The following LIX1 variants were observed in gnomAD, a reference collection of about 807,000 sequenced individuals.
LIX1 encodes the protein limb and CNS expressed 1, also known as protein limb expression 1 homolog.
Under a neutral mutation model 33.4 loss-of-function variants are expected in LIX1, and 24 were observed. The observed-to-expected ratio is 0.72, with a 90% CI of 0.52 to 1.01. LIX1 has a LOEUF of 1.01. LIX1 is among the 50% of genes least tolerant of loss of function. The pLI is 0.00. For missense variants in LIX1, 311 were observed against 339.2 expected, an observed-to-expected ratio of 0.92 and a Z score of 0.65; for synonymous variants, 124 against 124.0, an observed-to-expected ratio of 1.00 and a Z score of 0.00.
At chr5:97,132,391 G>C (rs1259172119) in intron 1 of LIX1, among the ~76,000 whole-genome samples, 1 of 152,182 alleles carries the variant, frequency 6.6e-6, no homozygotes, top group Non-Finnish European at 1.5e-5. Context: ...AAGAGTAGAT[G>C]AATGTGGGCT....
chr5:97,103,184 T>C, intron 4 of LIX1: 1 of 403,960 alleles, frequency 2.5e-6, no homozygotes, highest in Non-Finnish European at 4.8e-6. Flanking sequence ...TTTAGATTGT[T>C]ATGAAAAAAA....
At chr5:97,123,939 AG>A (rs1390104805) in intron 2 of LIX1, among the ~76,000 whole-genome samples, 1 of 152,170 alleles carries the variant, frequency 6.6e-6, no homozygotes, top group Non-Finnish European at 1.5e-5. Context: ...ATAGGTTTGT[AG>A]GTCTGTTTAT....
chr5:97,137,061 A>G, intron 1 of LIX1: 4 of 433,318 alleles, frequency 9.2e-6, no homozygotes, highest in South Asian at 5.1e-5. Flanking sequence ...ATAATCAGTA[A>G]AACCGTGTCA....
At chr5:97,103,079 C>T (rs1213817804) in intron 4 of LIX1, 1 of 452,542 alleles carries the variant, frequency 2.2e-6, no homozygotes, top group South Asian at 1.6e-5. Flanking sequence ...AGTGGTAGAG[C>T]AGACTTCACA....
At position 97,107,442 on chromosome 5, in the gene LIX1, G is replaced by A. The variant is rs1747113367; in HGVS notation, c.305C>T (p.Ser102Phe). ...GCGAGAGGGCAGCTCATTGAAGAGG[G>A]AGTTGATCAGGGCCACTTTAGCTGC... ...RDAAKVALIN[S>F]LFNELPSRRI... Residue 102 changes from serine to phenylalanine, a missense_variant, in exon 3 of 6, where the codon TCC (serine) becomes TTC (phenylalanine). Transcript: ENST00000274382. The A allele has an allele frequency of 5.0e-6, 8 of 1,613,358 alleles. No homozygotes were observed. The highest frequency in any genetic ancestry group is 1.7e-5 in the Admixed American group (1 of 60,000).
At chr5:97,139,439 G>A (rs144194521) in intron 1 of LIX1, among the ~76,000 whole-genome samples, 195 of 152,316 alleles carry the variant, frequency 1.3e-3, no homozygotes, top group African/African-American at 4.4e-3. Context: ...GAGAAAGTAC[G>A]CAAGGAATTG....
intron 1 of LIX1, among the ~76,000 whole-genome samples, chr5:97,133,485 C>T (rs56033754): frequency 0.027 from 4,049 of 152,290 alleles, 175 homozygotes; most frequent in African/African-American, 0.081. Context: ...GAATATATGT[C>T]TTCATATTGC....
chr5:97,122,030 C>T (rs1747797206), intron 2 of LIX1, among the ~76,000 whole-genome samples: 1 of 152,142 alleles, frequency 6.6e-6, no homozygotes, highest in South Asian at 2.1e-4. Flanking sequence ...TTCGCTGCCT[C>T]TCATCCGTGT....
chr5:97,099,664 C>T (rs902024572), intron 4 of LIX1, among the ~76,000 whole-genome samples: 1 of 151,976 alleles, frequency 6.6e-6, no homozygotes, highest in Non-Finnish European at 1.5e-5. Context: ...TGGTGAAAAC[C>T]TGTTTCTACT....
Position 97,124,542 on chromosome 5 carries a change from TC to T in LIX1, c.169del (p.Glu57SerfsTer11). The part of the protein sequence containing the change: ...AFPSEGVVVY[E>X]SLPAPGPPFV... The stretch of plus-strand genomic sequence containing the variant: ...GGGAGGCCCAGGAGCTGGCAGTGAC[TC>T]ATAGACCACCACACCTTCACTTGGG... On this transcript the variant is annotated frameshift_variant, in exon 2 of 6. Coordinates refer to ENST00000274382, the MANE Select transcript of LIX1 (RefSeq NM_153234.5). LOFTEE classifies it high-confidence loss of function. 6.2e-7 allele frequency: 1 copy of T among 1,612,898 alleles called. No individual in the cohort carries two copies. The highest frequency in any genetic ancestry group is 1.3e-5 in the African/African-American group (1 of 75,006).
rs2112762542 is a variant in LIX1, at chr5:97,105,172, T to C, written c.483+18A>G. The stretch of plus-strand genomic sequence containing the variant: ...TGGATTGGATAATCAAACAAATATG[T>C]GGCAGGCAGGCAGGTACCTGAAACT... On this transcript the variant is annotated intron_variant, in intron 4 of 5. Coordinates refer to ENST00000274382, the MANE Select transcript of LIX1 (RefSeq NM_153234.5). 6.2e-7 allele frequency: 1 copy of C among 1,603,312 alleles called. No individual in the cohort carries two copies. Among genetic ancestry groups the C allele is most frequent in the East Asian group, 2.2e-5 (1 of 44,840 alleles).
chr5:97,134,782 C>T (rs1748136210), intron 1 of LIX1, among the ~76,000 whole-genome samples: 1 of 152,190 alleles, frequency 6.6e-6, no homozygotes, highest in African/African-American at 2.4e-5. Flanking sequence ...TATACTCAGC[C>T]TTTGCCAAGT....
At chr5:97,122,989 T>A (rs1747821708) in intron 2 of LIX1, among the ~76,000 whole-genome samples, 1 of 152,256 alleles carries the variant, frequency 6.6e-6, no homozygotes, top group African/African-American at 2.4e-5. Flanking sequence ...TGGACATCTG[T>A]CCTGTGGCTG....
intron 1 of LIX1, among the ~76,000 whole-genome samples, chr5:97,125,265 G>C (rs1580240365): frequency 6.6e-6 from 1 of 152,200 alleles, no homozygotes; most frequent in Non-Finnish European, 1.5e-5. Context: ...GTAATGGCTA[G>C]AGCCATATGT....
At chr5:97,117,076 A>G (rs1323516313) in intron 2 of LIX1, among the ~76,000 whole-genome samples, 1 of 152,202 alleles carries the variant, frequency 6.6e-6, no homozygotes, top group African/African-American at 2.4e-5. Context: ...CATTAAAGCA[A>G]TATGCACTCC....
At chr5:97,102,005 A>C (rs1196022827) in intron 4 of LIX1, 6 of 152,188 alleles carry the variant, frequency 3.9e-5, no homozygotes, top group Non-Finnish European at 7.3e-5. Flanking sequence ...AAGTCTGCCT[A>C]GAATCTGACC....
intron 1 of LIX1, among the ~76,000 whole-genome samples, chr5:97,134,367 G>A (rs1288518609): frequency 6.6e-5 from 10 of 152,280 alleles, no homozygotes; most frequent in South Asian, 6.2e-4. Context: ...TGATCCACCC[G>A]CCTTGGCCTC....
Position 97,107,454 on chromosome 5 carries a change from G to A in LIX1, c.293C>T (p.Ala98Val), listed in dbSNP as rs1561493128. The change falls in exon 3 of 6, where the codon GCC (alanine) becomes GTC (valine). Residue 98 changes from alanine to valine, a missense_variant. Physicochemically the swap from Ala to Val is moderately conservative, Grantham distance 64. Coordinates refer to ENST00000274382, the MANE Select transcript of LIX1 (RefSeq NM_153234.5). ...AEARRDAAKVALINSLFNELP... is the reference protein window; with the variant it reads ...AEARRDAAKVVLINSLFNELP... ...CTCATTGAAGAGGGAGTTGATCAGG[G>A]CCACTTTAGCTGCATCCCGCCTGGC... is the stretch of plus-strand genomic sequence containing the variant. The A allele has an allele frequency of 2.5e-6, 4 of 1,613,638 alleles. No individual in the cohort carries two copies. Among genetic ancestry groups the A allele is most frequent in the East Asian group, 4.5e-5 (2 of 44,886 alleles).
chr5:97,103,201 C>CT, intron 4 of LIX1: 1 of 382,518 alleles, frequency 2.6e-6, no homozygotes, highest in Non-Finnish European at 5.0e-6. Context: ...AAAAAAGGAC[C>CT]TTTTACAGAT....
Sources: allele counts gnomAD v4.1 joint callset (sites outside exome capture counted in the v4.1 genomes callset), GRCh38; gene constraint gnomAD v4.1.1; transcripts MANE v1.5; gene names NCBI Gene and HGNC (gene_info 2026-07-23, HGNC 2026-07-21).